The following BCL11A variants were observed in gnomAD, a reference collection of about 807,000 sequenced individuals.
BCL11A encodes B cell CLL/lymphoma 11A.
BCL11A carries 2 observed loss-of-function variants against 55.9 expected under a neutral mutation model. That is an observed-to-expected ratio of 0.04 (90% CI 0.01 to 0.11). The LOEUF is 0.11. Ranked by LOEUF, BCL11A falls within the 10% of genes least tolerant of loss-of-function variation. BCL11A has a pLI of 1.00. For synonymous variants in BCL11A, 465 were observed against 473.4 expected (o/e 0.98, Z 0.23); for missense variants, 817 against 1,137.1 (o/e 0.72, Z 4.05).
At chr2:60,484,625 G>A (rs1159136194) in intron 2 of BCL11A, among the ~76,000 whole-genome samples, 2 of 151,974 alleles carry the variant, frequency 1.3e-5, no homozygotes, top group Non-Finnish European at 2.9e-5. Flanking sequence ...TGAGGCTGAG[G>A]TCAAGGCTGT....
chr2:60,534,683 G>A (rs560463159), intron 2 of BCL11A: 1 of 152,344 alleles, frequency 6.6e-6, no homozygotes, highest in Admixed American at 6.5e-5. Flanking sequence ...CTCAAGGTTA[G>A]ACTTCTAATT....
Position 60,460,806 on chromosome 2 carries a change from C to A in BCL11A, c.2106G>T (p.Pro702=), listed in dbSNP as rs1461539448. 5.0e-6 allele frequency: 8 copies of A among 1,612,694 alleles called. No homozygotes were observed. Among genetic ancestry groups the A allele is most frequent in the South Asian group, 1.1e-5 (1 of 91,090 alleles). The part of the protein sequence containing the change: ...SENGSLRFST[P]PGELDGGISG... Reference sequence around the variant, plus strand: ...AGATCCCTCCGTCCAGCTCCCCGGGCGGTGTGGAGAAGCGCAAACTCCCGT... The same window carrying A: ...AGATCCCTCCGTCCAGCTCCCCGGGAGGTGTGGAGAAGCGCAAACTCCCGT... The change falls in exon 4 of 4, where the codon CCG becomes CCT. Residue 702 remains proline, a synonymous_variant. Coordinates refer to ENST00000642384, the MANE Select transcript of BCL11A (RefSeq NM_022893.4).
intron 2 of BCL11A, among the ~76,000 whole-genome samples, chr2:60,497,748 T>TATC (rs1447140274): frequency 1.3e-5 from 2 of 152,206 alleles, no homozygotes; most frequent in African/African-American, 4.8e-5. Context: ...TTCTCTGAAC[T>TATC]ATCACCTTAC....
At chr2:60,517,532 C>T (rs1174428212) in intron 2 of BCL11A, among the ~76,000 whole-genome samples, 1 of 152,248 alleles carries the variant, frequency 6.6e-6, no homozygotes, top group African/African-American at 2.4e-5. Flanking sequence ...GCACCAGGCT[C>T]TTCAACAAAG....
intron 2 of BCL11A, among the ~76,000 whole-genome samples, chr2:60,475,094 G>A (rs1478828471): frequency 3.9e-5 from 6 of 152,244 alleles, no homozygotes. Context: ...GATGCTTAGA[G>A]AGAAGCAAAG....
intron 2 of BCL11A, among the ~76,000 whole-genome samples, chr2:60,483,255 C>T (rs1048358891): frequency 5.9e-5 from 9 of 152,150 alleles, no homozygotes; most frequent in Admixed American, 2.0e-4. Flanking sequence ...ATATATATCC[C>T]GTGGTAGAGA....
At chr2:60,545,534 G>A (rs888283786) in intron 2 of BCL11A, 39 of 173,052 alleles carry the variant, frequency 2.3e-4, no homozygotes, top group Middle Eastern at 6.0e-3. Context: ...CCCCTAAGGA[G>A]GCCTGGCCAG....
At chr2:60,467,205 C>T (rs139897767) in intron 3 of BCL11A, among the ~76,000 whole-genome samples, 2,294 of 22,042 alleles carry the variant, frequency 0.1, 80 homozygotes, top group South Asian at 0.36. Flanking sequence ...GTGGTGATGG[C>T]GGTGATGGTA....
chr2:60,473,214 A>G (rs187119797), intron 2 of BCL11A, among the ~76,000 whole-genome samples: 208 of 150,726 alleles, frequency 1.4e-3, no homozygotes, highest in Non-Finnish European at 1.7e-3. Flanking sequence ...ATATTTCCTA[A>G]ACATATGTTT....
Position 60,546,298 on chromosome 2 carries a change from C to T in BCL11A, c.58G>A (p.Glu20Lys), listed in dbSNP as rs1435341297. ...TCTGTAAGAATGGCTTCAAGAGGCT[C>T]GGCTGTGGTTGGAGAAACAAAAGCA... is the stretch of plus-strand genomic sequence containing the variant. ...QHLSKREFSPEPLEAILTDDE... is the reference protein window; with the variant it reads ...QHLSKREFSPKPLEAILTDDE... Residue 20 changes from glutamate (E) to lysine (K), a missense_variant and splice_region_variant, in exon 2 of 4, where the codon GAG (glutamate) becomes AAG (lysine). This residue lies in a region of BCL11A where 363 missense variants were observed against 486.6 expected (regional missense o/e 0.75). Coordinates refer to ENST00000642384, the MANE Select transcript of BCL11A (RefSeq NM_022893.4). This position sits in a 1 kb window ranked among gnomAD's most constrained non-coding sequence, Gnocchi z 4.1. 3.0e-5 allele frequency: 49 copies of T among 1,611,452 alleles called. No individual in the cohort carries two copies. Among genetic ancestry groups the T allele is most frequent in the Non-Finnish European group, 4.2e-5 (49 of 1,178,314 alleles).
intron 1 of BCL11A, among the ~76,000 whole-genome samples, chr2:60,547,511 C>CAA (rs35182373): frequency 2.6e-5 from 3 of 114,618 alleles, no homozygotes; most frequent in African/African-American, 5.7e-5. Flanking sequence ...CTTGCTCTAT[C>CAA]AAAAAAAAAA....
At chr2:60,481,643 T>C (rs1050087815) in intron 2 of BCL11A, among the ~76,000 whole-genome samples, 2 of 152,200 alleles carry the variant, frequency 1.3e-5, no homozygotes, top group East Asian at 3.9e-4. Context: ...TGAATTTTTT[T>C]GTCTTGTTTT....
At chr2:60,478,975 T>A (rs78084010) in intron 2 of BCL11A, among the ~76,000 whole-genome samples, 1 of 151,774 alleles carries the variant, frequency 6.6e-6, no homozygotes, top group Non-Finnish European at 1.5e-5. Flanking sequence ...TTTGTTTTTT[T>A]TTTTTCCCTC....
intron 2 of BCL11A, among the ~76,000 whole-genome samples, chr2:60,489,452 G>A (rs1246732954): frequency 1.3e-5 from 2 of 152,172 alleles, no homozygotes; most frequent in Non-Finnish European, 2.9e-5. Context: ...AACACACGGC[G>A]GCCCTGCGTG....
intron 2 of BCL11A, among the ~76,000 whole-genome samples, chr2:60,511,357 AGAAGTCT>A (rs983129414): frequency 9.8e-5 from 15 of 152,354 alleles, no homozygotes; most frequent in African/African-American, 3.6e-4. Flanking sequence ...AATAACAAGG[AGAAGTCT>A]GAATTAAAAG....
chr2:60,516,788 G>A lies in BCL11A; in HGVS notation c.385+29183C>T, dbSNP rs575046190. On this transcript the variant is annotated intron_variant, in intron 2 of 3. Coordinates refer to ENST00000642384, the MANE Select transcript of BCL11A (RefSeq NM_022893.4). ...TTTTAAAAAAGCAAGCAGGACATAA[G>A]AGTGCAGACATAAGACTAAAGAATG... Among the ~76,000 whole-genome samples, 8 of 152,340 alleles carry A rather than the reference G, an allele frequency of 5.3e-5. No individual in the cohort carries two copies. In the South Asian group the frequency reaches 1.7e-3, roughly 32 times the overall value.
rs776897109 is a variant in BCL11A at position 60,468,784 on chromosome 2, T to C, written c.435A>G (p.Gly145=). Residue 145 remains glycine, a synonymous_variant, in exon 3 of 4, where the codon GGA becomes GGG. Transcript: ENST00000642384. ...TCATCCCAGGCGTGGGGATTAGAGC[T>C]CCATGTGCAGAACGAGGGGAGGAGA... The part of the protein sequence containing the change: ...RGLSSPRSAH[G]ALIPTPGMSA... 1 of 1,607,776 alleles carries C rather than the reference T, an allele frequency of 6.2e-7. No individual in the cohort carries two copies. Among genetic ancestry groups the C allele is most frequent in the East Asian group, 2.2e-5 (1 of 44,776 alleles).
intron 2 of BCL11A, among the ~76,000 whole-genome samples, chr2:60,491,658 T>A: frequency 7.8e-6 from 1 of 128,770 alleles, no homozygotes; most frequent in Non-Finnish European, 1.6e-5. Flanking sequence ...GCAACAAGAG[T>A]AAATCTCCGT....
In BCL11A at chr2:60,458,486, T is replaced by C. The variant is rs1676052337; in HGVS notation, c.*1918A>G. ...TTTGTACAAAAAAATCCTTGCACTG[T>C]AGAAGCGAAAGCAATCATTCATTTC... On this transcript the variant is annotated 3_prime_UTR_variant, in exon 4 of 4. Transcript: ENST00000642384. 2 of 1,031,446 alleles carry C rather than the reference T, an allele frequency of 1.9e-6. No individual in the cohort carries two copies. The highest frequency in any genetic ancestry group is 1.2e-6 in the Non-Finnish European group (1 of 857,106). The allele number at this position is 1,031,446 out of a possible 1,614,324, so 63.9% of individuals were successfully genotyped here. A position where few individuals can be genotyped will look rare whatever the true frequency, so the allele number is the denominator to read the frequency against.
Sources: allele counts gnomAD v4.1 joint callset (sites outside exome capture counted in the v4.1 genomes callset), GRCh38; gene constraint gnomAD v4.1.1; regional missense constraint gnomAD v4.1.1; non-coding constraint Gnocchi (gnomAD v3.1); transcripts MANE v1.5; gene names NCBI Gene and HGNC (gene_info 2026-07-23, HGNC 2026-07-21).